Variants in ARHGAP44 observed in about 807,000 individuals in gnomAD.
ARHGAP44 encodes rho GTPase-activating protein 44.
ARHGAP44 carries 43 observed loss-of-function variants against 106.8 expected under a neutral mutation model. The observed-to-expected ratio is 0.40, with a 90% CI of 0.32 to 0.52. The LOEUF is 0.52. Ranked by LOEUF, ARHGAP44 falls within the 20% of genes least tolerant of loss-of-function variation. ARHGAP44 has a pLI of 0.48. For missense variants in ARHGAP44, 866 were observed against 1,050.5 expected, an observed-to-expected ratio of 0.82 and a Z score of 2.43; for synonymous variants, 439 against 410.3, an observed-to-expected ratio of 1.07 and a Z score of -0.85.
chr17:12,967,950 C>T (rs538752393), intron 16 of ARHGAP44, among the ~76,000 whole-genome samples: 1 of 152,308 alleles, frequency 6.6e-6, no homozygotes, highest in East Asian at 1.9e-4. Flanking sequence ...AGTTCAAATC[C>T]TGGTTACTGA....
chr17:12,895,070 G>A, intron 2 of ARHGAP44, 91 bp downstream of exon 2: 5 of 1,269,734 alleles, frequency 3.9e-6, no homozygotes, highest in Non-Finnish European at 5.6e-6. Flanking sequence ...GGTGGAGGTT[G>A]TAGTTAGCCG....
chr17:12,853,371 G>A (rs187710013), intron 1 of ARHGAP44, among the ~76,000 whole-genome samples: 4 of 152,294 alleles, frequency 2.6e-5, no homozygotes, highest in East Asian at 3.9e-4. Context: ...GGACCGAAAC[G>A]TGTCATGAAA....
intron 12 of ARHGAP44, among the ~76,000 whole-genome samples, chr17:12,950,614 T>A (rs1598106002): frequency 6.6e-6 from 1 of 152,224 alleles, no homozygotes; most frequent in East Asian, 1.9e-4. Flanking sequence ...ATAGTATTGT[T>A]TGGAGGAATG....
chr17:12,887,360 C>T lies in ARHGAP44; in HGVS notation c.54-7580C>T, dbSNP rs1382161678. Among the ~76,000 whole-genome samples, 7 of 152,184 alleles carry T rather than the reference C, an allele frequency of 4.6e-5. No homozygotes were observed. The South Asian group carries it at 1.5e-3, about 32-fold the overall frequency. On this transcript the variant is annotated intron_variant, in intron 1 of 20. Transcript: ENST00000379672. ...CCTCCCACCTCAGCCACCCGAGTGG[C>T]TAGGACTACAGGCATGTACTACCAT...
rs562549403 is a variant in ARHGAP44 at position 12,789,721 on chromosome 17, C to T, written c.-118C>T. ...GCGGGCCAGACGGCGCCCGGAGGCT[C>T]CGCAGTGCCGCCGCCGTCGCCCGGG... On this transcript the variant is annotated 5_prime_UTR_variant, in exon 1 of 21. Transcript: ENST00000379672. The T allele has an allele frequency of 8.6e-5, 82 of 958,132 alleles. No homozygotes were observed. Among genetic ancestry groups the T allele is most frequent in the South Asian group, 2.3e-4 (8 of 34,136 alleles). The allele number at this position is 958,132 out of a possible 1,614,324, so 59.4% of individuals were successfully genotyped here. A position where few individuals can be genotyped will look rare whatever the true frequency, so the allele number is the denominator to read the frequency against.
chr17:12,968,294 C>T (rs977320545), intron 16 of ARHGAP44, among the ~76,000 whole-genome samples: 1 of 152,186 alleles, frequency 6.6e-6, no homozygotes, highest in African/African-American at 2.4e-5. Flanking sequence ...GATATACAAA[C>T]ACCAAGGGCT....
chr17:12,911,044 G>A (rs1245079675), intron 4 of ARHGAP44, among the ~76,000 whole-genome samples: 5 of 82,606 alleles, frequency 6.1e-5, no homozygotes, highest in African/African-American at 1.5e-4. Context: ...AGAGAAAAAA[G>A]TAACCAAAAA....
intron 7 of ARHGAP44, among the ~76,000 whole-genome samples, chr17:12,932,869 A>T (rs968338804): frequency 2.3e-4 from 35 of 152,160 alleles, no homozygotes; most frequent in African/African-American, 8.0e-4. Flanking sequence ...GATAGTATAC[A>T]GTTTCTATTC....
At chr17:12,968,467 A>T (rs1356715212) in intron 16 of ARHGAP44, among the ~76,000 whole-genome samples, 1 of 152,156 alleles carries the variant, frequency 6.6e-6, no homozygotes, top group Non-Finnish European at 1.5e-5. Flanking sequence ...CCTTTCAGAC[A>T]AGATGACCCT....
chr17:12,903,125 AG>A (rs370581318), intron 3 of ARHGAP44, among the ~76,000 whole-genome samples: 2,841 of 71,448 alleles, frequency 0.04, 65 homozygotes, highest in African/African-American at 0.13. Flanking sequence ...AGAGAGAGAG[AG>A]GAGAGAGAGA....
At chr17:12,848,721 A>G (rs895871501) in intron 1 of ARHGAP44, among the ~76,000 whole-genome samples, 2 of 152,150 alleles carry the variant, frequency 1.3e-5, no homozygotes, top group African/African-American at 4.8e-5. Context: ...AGTATCATAC[A>G]TTCCTGGAAG....
chr17:12,895,379 C>T (rs1428139809), intron 2 of ARHGAP44, among the ~76,000 whole-genome samples: 1 of 152,138 alleles, frequency 6.6e-6, no homozygotes, highest in Non-Finnish European at 1.5e-5. Context: ...ACTGCCCCTC[C>T]AGTTCTCCAG....
intron 12 of ARHGAP44, among the ~76,000 whole-genome samples, chr17:12,950,587 A>AGAGCTGTCTTAAGTAAATAGTATTGTTT (rs2038969694): frequency 6.6e-6 from 1 of 152,204 alleles, no homozygotes; most frequent in Admixed American, 6.5e-5. Context: ...GGCATAGGTA[A>AGAGCTGTCTTAAGTAAATAGTATTGTTT]GAGCTGTCTT....
rs185028240 is a variant in ARHGAP44 at position 12,891,449 on chromosome 17, A to G, written c.54-3491A>G. Among the ~76,000 whole-genome samples, 20 of 152,354 alleles carry G rather than the reference A, an allele frequency of 1.3e-4. No homozygotes were observed. In the East Asian group the frequency reaches 2.9e-3, roughly 22 times the overall value. On this transcript the variant is annotated intron_variant, in intron 1 of 20. Transcript: ENST00000379672. ...ACATGATGGAAGTCATCACATGGGC[A>G]GGAGAGAGCAAGAGGGAGCTCACGT...
chr17:12,985,503 C>G (rs2039936263), intron 20 of ARHGAP44: 1 of 152,236 alleles, frequency 6.6e-6, no homozygotes, highest in Non-Finnish European at 1.5e-5. Context: ...CCCACAACGA[C>G]TTAATTTAGT....
At chr17:12,804,002 G>A (rs1431599296) in intron 1 of ARHGAP44, among the ~76,000 whole-genome samples, 2 of 152,136 alleles carry the variant, frequency 1.3e-5, no homozygotes, top group Non-Finnish European at 2.9e-5. Flanking sequence ...AACAATAAGG[G>A]AACTTTTATT....
rs1598173210 is a variant in ARHGAP44 at position 12,989,101 on chromosome 17, C to CGAAAAAAA, written c.2318-931_2318-930insGAAAAAAA. 1.8e-4 allele frequency among the ~76,000 whole-genome samples: 8 copies of CGAAAAAAA among 45,158 alleles called. 1 individual carries two copies. The highest frequency in any genetic ancestry group is 4.3e-4 in the African/African-American group (5 of 11,728). The allele number at this position is 45,158 out of a possible 152,430, so 29.6% of individuals were successfully genotyped here. ...GACAAGAGCGAAACTCCACCCCCCC[C>CGAAAAAAA]AAAAAAAAAAAAAAAAAAAAAAAAC... On this transcript the variant is annotated intron_variant, in intron 20 of 20. Transcript: ENST00000379672.
At chr17:12,794,863 T>C (rs2033872143) in intron 1 of ARHGAP44, among the ~76,000 whole-genome samples, 1 of 152,170 alleles carries the variant, frequency 6.6e-6, no homozygotes, top group Non-Finnish European at 1.5e-5. Flanking sequence ...CTAGGAGCAC[T>C]GGTGCTGCAG....
rs533381788 is a variant in ARHGAP44, at chr17:12,913,884, G to T, written c.276-2016G>T. Among the ~76,000 whole-genome samples, 184 of 145,804 alleles carry T rather than the reference G, an allele frequency of 1.3e-3. 2 individuals are homozygous for T. The highest frequency in any genetic ancestry group is 3.2e-3 in the African/African-American group (130 of 40,004). On this transcript the variant is annotated intron_variant, in intron 4 of 20. Transcript: ENST00000379672. ...CTCGGGAGGCTGAAGCAAGAGAATT[G>T]CTTGCACCCGGGAGGTGGAGTTTGT...
Sources: gnomAD v4.1 joint callset for allele counts (sites outside exome capture counted in the v4.1 genomes callset) on GRCh38, gnomAD v4.1.1 for gene constraint, MANE v1.5 for transcripts, NCBI Gene and HGNC (gene_info 2026-07-23, HGNC 2026-07-21) for gene names.